The following LRIT3 variants were observed in gnomAD, a reference collection of about 807,000 sequenced individuals.
LRIT3 encodes leucine-rich repeat, immunoglobulin-like domain and transmembrane domain-containing protein 3.
Under a neutral mutation model 22.6 loss-of-function variants are expected in LRIT3, and 14 were observed. The observed-to-expected ratio is 0.62, with a 90% confidence interval of 0.41 to 0.97. LRIT3 has a LOEUF of 0.97. Among genes scored for constraint, LRIT3 ranks in the 50% least tolerant of loss-of-function variants. LRIT3 has a pLI of 0.00. For synonymous variants in LRIT3, 306 were observed against 304.5 expected (o/e 1.01, Z -0.05); for missense variants, 783 against 803.0 (o/e 0.98, Z 0.30).
rs1313181501 is a variant in LRIT3 at position 109,867,662 on chromosome 4, T to A, written c.611T>A (p.Phe204Tyr). ...TTAGGTCTACAGGACAATCCTTGGTTCTGTGACTGTCATATTTCCAAAATG... is the reference window on the plus strand; with the variant it reads ...TTAGGTCTACAGGACAATCCTTGGTACTGTGACTGTCATATTTCCAAAATG... The part of the protein sequence containing the change: ...IILGLQDNPW[F>Y]CDCHISKMIE... The change falls in exon 3 of 4, where the codon TTC becomes TAC. Residue 204 changes from phenylalanine to tyrosine, a missense_variant. Physicochemically the swap from Phe to Tyr is conservative, Grantham distance 22. Around this residue, in one of 2 missense-constraint regions of LRIT3, gnomAD observed 756 missense variants for 753.8 expected, o/e 1.00. Transcript: ENST00000594814. The A allele has an allele frequency of 2.5e-6, 4 of 1,613,932 alleles. No homozygotes were observed. The highest frequency in any genetic ancestry group is 3.4e-6 in the Non-Finnish European group (4 of 1,179,924).
At chr4:109,865,359 G>A (rs1023950532) in intron 2 of LRIT3, 64 of 1,499,854 alleles carry the variant, frequency 4.3e-5, no homozygotes, top group African/African-American at 3.0e-4. Flanking sequence ...CAACTAATAC[G>A]TACAATAATG....
At chr4:109,850,902 A>G (rs1396561472) in intron 1 of LRIT3, among the ~76,000 whole-genome samples, 1 of 152,224 alleles carries the variant, frequency 6.6e-6, no homozygotes. Context: ...AGCAATGTGC[A>G]AGTCACGTTA....
chr4:109,868,142 C>G (rs531763904), intron 3 of LRIT3, among the ~76,000 whole-genome samples, 196 bp downstream of exon 3: 1 of 152,114 alleles, frequency 6.6e-6, no homozygotes, highest in African/African-American at 2.4e-5. Context: ...TAAAATTAAA[C>G]AATCTAAACT....
rs959636930 is a variant in LRIT3, at chr4:109,871,037, T to C, written c.*248T>C. ...AGAGTGGTGCTTAATAAATTATTAA[T>C]ACTTTTTAGGGTAATGTTTTAGTTC... is the stretch of plus-strand genomic sequence containing the variant. On this transcript the variant is annotated 3_prime_UTR_variant, in exon 4 of 4. Transcript: ENST00000594814. 15 of 343,756 alleles carry C rather than the reference T, an allele frequency of 4.4e-5. No individual in the cohort carries two copies. Among genetic ancestry groups the C allele is most frequent in the African/African-American group, 3.0e-4 (14 of 47,426 alleles). 21.3% of individuals were successfully genotyped at this position (343,756 alleles called of 1,614,324 possible).
chr4:109,856,701 G>A (rs186946081), intron 2 of LRIT3, among the ~76,000 whole-genome samples: 34 of 152,188 alleles, frequency 2.2e-4, no homozygotes, highest in African/African-American at 7.0e-4. Context: ...TTTGTAATCC[G>A]TGTTCTAAAC....
chr4:109,848,638 G>A (rs1185834314), intron 1 of LRIT3, among the ~76,000 whole-genome samples: 2 of 152,258 alleles, frequency 1.3e-5, no homozygotes, highest in East Asian at 1.9e-4. Flanking sequence ...GGCCAGCTAA[G>A]CCCTTGATTA....
chr4:109,858,545 T>TC (rs1734459688), intron 2 of LRIT3, among the ~76,000 whole-genome samples: 1 of 152,114 alleles, frequency 6.6e-6, no homozygotes, highest in African/African-American at 2.4e-5. Flanking sequence ...CGTAGACTCT[T>TC]CCCCACATTA....
At chr4:109,861,535 C>T (rs1025954862) in intron 2 of LRIT3, among the ~76,000 whole-genome samples, 6 of 152,062 alleles carry the variant, frequency 3.9e-5, no homozygotes, top group South Asian at 2.1e-4. Flanking sequence ...GGTCAGGAAG[C>T]GGTATCACAA....
rs542240600 is a variant in LRIT3 at position 109,871,536 on chromosome 4, G to C, written c.*747G>C. The stretch of plus-strand genomic sequence containing the variant: ...TCAATCTTTTAATATTTTGCTGTTT[G>C]CTCTTATGTTCTCCCTTCTTTCTTC... On this transcript the variant is annotated 3_prime_UTR_variant, in exon 4 of 4. Coordinates refer to ENST00000594814, the MANE Select transcript of LRIT3 (RefSeq NM_198506.5). The C allele has an allele frequency of 6.6e-5, 10 of 152,140 alleles. No individual in the cohort carries two copies. Among genetic ancestry groups the C allele is most frequent in the Non-Finnish European group, 1.2e-4 (8 of 67,974 alleles). 9.4% of individuals were successfully genotyped at this position (152,140 alleles called of 1,614,324 possible). A position where few individuals can be genotyped will look rare whatever the true frequency, so the allele number is the denominator to read the frequency against.
At chr4:109,865,810 A>G (rs1309376521) in intron 2 of LRIT3, among the ~76,000 whole-genome samples, 1 of 152,156 alleles carries the variant, frequency 6.6e-6, no homozygotes, top group East Asian at 1.9e-4. Context: ...TAGATATCTC[A>G]TGGGGGTGAA....
chr4:109,850,408 TTCCTTC>T (rs1560588867), intron 1 of LRIT3, among the ~76,000 whole-genome samples: 3 of 7,530 alleles, frequency 4.0e-4, no homozygotes, highest in African/African-American at 1.7e-3. Flanking sequence ...CCTTCCTTCC[TTCCTTC>T]CTTCCTTCCT....
At position 109,851,526 on chromosome 4, in the gene LRIT3, G is replaced by T. The variant is rs1289643626; in HGVS notation, c.139G>T (p.Asp47Tyr). 1 of 1,547,194 alleles carries T rather than the reference G, an allele frequency of 6.5e-7. No homozygotes were observed. The highest frequency in any genetic ancestry group is 8.7e-7 in the Non-Finnish European group (1 of 1,144,234). Residue 47 changes from aspartate to tyrosine, a missense_variant, in exon 2 of 4, where the codon GAT becomes TAT. By Grantham distance (160) the Asp-to-Tyr change is radical. This residue lies in a region of LRIT3 where 756 missense variants were observed against 753.8 expected (regional missense o/e 1.00). Transcript: ENST00000594814. ...TAGGTTGGTGCTATGTAATGACATG[G>T]ATATGAACGAGCTGCCTACGAACCT... ...GSRLVLCNDM[D>Y]MNELPTNLPV...
At chr4:109,851,353 C>A in intron 1 of LRIT3, 151 bp from the exon 2 acceptor site, 1 of 1,087,236 alleles carries the variant, frequency 9.2e-7, no homozygotes, top group Non-Finnish European at 1.3e-6. Flanking sequence ...TAGATTTGAA[C>A]CAAGGCCCTC....
chr4:109,857,639 G>A (rs1194772411), intron 2 of LRIT3, among the ~76,000 whole-genome samples: 2 of 152,172 alleles, frequency 1.3e-5, no homozygotes, highest in Non-Finnish European at 2.9e-5. Flanking sequence ...TGATATAATA[G>A]GGAAGGGTTG....
chr4:109,868,717 G>GTA (rs1433217269), intron 3 of LRIT3, among the ~76,000 whole-genome samples: 6 of 152,048 alleles, frequency 3.9e-5, no homozygotes, highest in Non-Finnish European at 8.8e-5. Flanking sequence ...GTGACAATGT[G>GTA]TATGCTTTGT....
chr4:109,851,523 A>T lies in LRIT3; in HGVS notation c.136A>T (p.Met46Leu), dbSNP rs200501695. The stretch of plus-strand genomic sequence containing the variant: ...CACTAGGTTGGTGCTATGTAATGAC[A>T]TGGATATGAACGAGCTGCCTACGAA... The part of the protein sequence containing the change: ...SGSRLVLCND[M>L]DMNELPTNLP... The change falls in exon 2 of 4, where the codon ATG (methionine) becomes TTG (leucine). Residue 46 changes from methionine (M) to leucine (L), a missense_variant. Met to Leu is a conservative substitution (Grantham distance 15). This residue lies in a region of LRIT3 where 756 missense variants were observed against 753.8 expected (regional missense o/e 1.00). Coordinates refer to ENST00000594814, the MANE Select transcript of LRIT3 (RefSeq NM_198506.5). The T allele has an allele frequency of 7.3e-5, 113 of 1,545,088 alleles. No individual in the cohort carries two copies. The highest frequency in any genetic ancestry group is 9.6e-5 in the Non-Finnish European group (110 of 1,143,006).
chr4:109,849,450 C>T (rs889104967), intron 1 of LRIT3, among the ~76,000 whole-genome samples: 8 of 152,138 alleles, frequency 5.3e-5, no homozygotes, highest in Admixed American at 1.3e-4. Context: ...TAGTTCAACC[C>T]CTTGTCAGTT....
In LRIT3 at chr4:109,852,007, T is replaced by C. The variant is rs143137971; in HGVS notation, c.589+31T>C. On this transcript the variant is annotated intron_variant, in intron 2 of 3. Transcript: ENST00000594814. ...CTCGCAAGCCTCTGGGCTTTTCATC[T>C]ATAGTTACTTTGCTATGCATAGCTT... The C allele has an allele frequency of 1.8e-4, 272 of 1,485,058 alleles. 3 individuals carry two copies. The East Asian group carries it at 6.7e-3, about 36-fold the overall frequency. The allele number at this position is 1,485,058 out of a possible 1,614,324, so 92.0% of individuals were successfully genotyped here.
At chr4:109,853,436 T>C (rs1254131637) in intron 2 of LRIT3, among the ~76,000 whole-genome samples, 1 of 152,024 alleles carries the variant, frequency 6.6e-6, no homozygotes, top group Non-Finnish European at 1.5e-5. Context: ...GAGTTGTTTG[T>C]TTTTCTTTTT....
Sources: gnomAD v4.1 joint callset for allele counts (sites outside exome capture counted in the v4.1 genomes callset) on GRCh38, gnomAD v4.1.1 for gene constraint, gnomAD v4.1.1 regional missense constraint, MANE v1.5 for transcripts, NCBI Gene and HGNC (gene_info 2026-07-23, HGNC 2026-07-21) for gene names.